Variants in PIEZO2 observed in about 807,000 individuals in gnomAD.
The protein encoded by PIEZO2 is piezo type mechanosensitive ion channel component 2, also known as piezo-type mechanosensitive ion channel component 2.
In PIEZO2, 172 loss-of-function variants were observed where a neutral mutation model predicts 337.3. The observed-to-expected ratio is 0.51, with a 90% CI of 0.45 to 0.58. The LOEUF is 0.58. PIEZO2 is among the 20% of genes least tolerant of loss of function. The pLI is 0.00. For synonymous variants in PIEZO2, 1,251 were observed against 1,228.5 expected (o/e 1.02, Z -0.38); for missense variants, 3,028 against 3,391.3 (o/e 0.89, Z 2.66).
At chr18:10,961,891 G>C (rs898289376) in intron 3 of PIEZO2, among the ~76,000 whole-genome samples, 10 of 152,014 alleles carry the variant, frequency 6.6e-5, no homozygotes, top group Non-Finnish European at 1.5e-4. Context: ...CAAAGAAATA[G>C]ACACAAGGAC....
Position 10,855,363 on chromosome 18 carries a change from A to G in PIEZO2, c.907T>C (p.Tyr303His), listed in dbSNP as rs1313591312. The change falls in exon 7 of 56, where the codon TAC becomes CAC. Residue 303 changes from tyrosine to histidine, a missense_variant. This residue lies in a region of PIEZO2 where 542 missense variants were observed against 605.6 expected (regional missense o/e 0.89). Transcript: ENST00000674853. This position sits in a 1 kb window ranked among gnomAD's most constrained non-coding sequence, Gnocchi z 4.9. ...AAGGATTTCTCTTACCTTGCATAGT[A>G]GTCATTGGGTGGAACTGCCTCTTGA... ...FFQEAVPPNDYYARLFGIKSV... is the reference protein window; with the variant it reads ...FFQEAVPPNDHYARLFGIKSV... 1 of 1,533,046 alleles carries G rather than the reference A, an allele frequency of 6.5e-7. No homozygotes were observed. Among genetic ancestry groups the G allele is most frequent in the African/African-American group, 1.4e-5 (1 of 73,092 alleles). The allele number at this position is 1,533,046 out of a possible 1,614,324, so 95.0% of individuals were successfully genotyped here.
Position 11,033,668 on chromosome 18 carries a change from A to G in PIEZO2, c.160+32459T>C, listed in dbSNP as rs986066545. 3.3e-5 allele frequency among the ~76,000 whole-genome samples: 5 copies of G among 152,216 alleles called. No individual in the cohort carries two copies. The highest frequency in any genetic ancestry group is 9.7e-5 in the African/African-American group (4 of 41,446). On this transcript the variant is annotated intron_variant, in intron 2 of 55. Coordinates refer to ENST00000674853, the MANE Select transcript of PIEZO2 (RefSeq NM_001378183.1). This position sits in a 1 kb window ranked among gnomAD's most constrained non-coding sequence, Gnocchi z 4.2. ...ATAACGAGTCAGACATATATAGCAC[A>G]TGCCAGAAATGAAGCACTTTCTGTC...
At position 10,952,258 on chromosome 18, in the gene PIEZO2, A is replaced by G. The variant is rs969437146; in HGVS notation, c.286+27277T>C. ...TATTAGATTATAAGTTACACAGAGTAAAATTTTTGCATGTATAATTTCTCA... is the reference window on the plus strand; with the variant it reads ...TATTAGATTATAAGTTACACAGAGTGAAATTTTTGCATGTATAATTTCTCA... On this transcript the variant is annotated intron_variant, in intron 3 of 55. Transcript: ENST00000674853. The surrounding 1 kb of genome is among the most constrained non-coding windows in gnomAD (Gnocchi z 4.1). Among the ~76,000 whole-genome samples the G allele has an allele frequency of 6.6e-6, 1 of 152,222 alleles. No individual in the cohort carries two copies. Among genetic ancestry groups the G allele is most frequent in the African/African-American group, 2.4e-5 (1 of 41,452 alleles).
Position 10,903,286 on chromosome 18 carries a change from T to C in PIEZO2, c.329+7900A>G, listed in dbSNP as rs1243697650. Among the ~76,000 whole-genome samples the C allele has an allele frequency of 6.6e-6, 1 of 152,164 alleles. No individual in the cohort carries two copies. The highest frequency in any genetic ancestry group is 6.5e-5 in the Admixed American group (1 of 15,278). ...CTGAACTCCTGGCTCATCTGGTCTATATTGCTGCTCGAGTGACATTTCTAG... is the reference window on the plus strand; with the variant it reads ...CTGAACTCCTGGCTCATCTGGTCTACATTGCTGCTCGAGTGACATTTCTAG... On this transcript the variant is annotated intron_variant, in intron 4 of 55. Transcript: ENST00000674853. This position sits in a 1 kb window ranked among gnomAD's most constrained non-coding sequence, Gnocchi z 4.1.
chr18:10,677,552 G>C lies in PIEZO2; in HGVS notation c.8081+195C>G. On this transcript the variant is annotated intron_variant, in intron 53 of 55. Transcript: ENST00000674853. The surrounding 1 kb of genome is among the most constrained non-coding windows in gnomAD (Gnocchi z 4.1). ...ATTTGGAACATAGACATAACCCTGG[G>C]GACAGTGGACAGAAAACTCCATAGC... The C allele has an allele frequency of 1.8e-6, 1 of 557,170 alleles. No homozygotes were observed. The highest frequency in any genetic ancestry group is 2.1e-5 in the South Asian group (1 of 46,558). 34.5% of individuals were successfully genotyped at this position (557,170 alleles called of 1,614,324 possible). A position where few individuals can be genotyped will look rare whatever the true frequency, so the allele number is the denominator to read the frequency against.
chr18:10,953,403 G>C lies in PIEZO2; in HGVS notation c.286+26132C>G, dbSNP rs1277033005. 1.3e-5 allele frequency among the ~76,000 whole-genome samples: 2 copies of C among 151,958 alleles called. No homozygotes were observed. The highest frequency in any genetic ancestry group is 4.8e-5 in the African/African-American group (2 of 41,368). On this transcript the variant is annotated intron_variant, in intron 3 of 55. Transcript: ENST00000674853. This position sits in a 1 kb window ranked among gnomAD's most constrained non-coding sequence, Gnocchi z 5.2. The stretch of plus-strand genomic sequence containing the variant: ...ATCTTTGCATTTAGGTTTATGATTT[G>C]TTTTGAGTTAATTAATTTTTGTATA...
In PIEZO2 at chr18:10,787,018, C is replaced by G. The variant is rs73943110; in HGVS notation, c.2318+18G>C. On this transcript the variant is annotated intron_variant, in intron 16 of 55. Transcript: ENST00000674853. The stretch of plus-strand genomic sequence containing the variant: ...AAGTCTTCATCTTGTTCATCATTTT[C>G]AACTCAAAATCACTTACTTTTCTTT... 1.0e-3 allele frequency: 1,527 copies of G among 1,522,680 alleles called. 11 individuals carry two copies. The African/African-American group carries it at 0.015, about 15-fold the overall frequency. The allele number at this position is 1,522,680 out of a possible 1,614,324, so 94.3% of individuals were successfully genotyped here. A position where few individuals can be genotyped will look rare whatever the true frequency, so the allele number is the denominator to read the frequency against.
In PIEZO2 at chr18:11,002,536, C is replaced by A. The variant is rs547688384; in HGVS notation, c.161-22876G>T. On this transcript the variant is annotated intron_variant, in intron 2 of 55. Coordinates refer to ENST00000674853, the MANE Select transcript of PIEZO2 (RefSeq NM_001378183.1). The surrounding 1 kb of genome is among the most constrained non-coding windows in gnomAD (Gnocchi z 4.3). Reference sequence around the variant, plus strand: ...CTGTGTGCATTCACAGGGCTCAGCTCCCTGGAGAAGACCCCACACACACTT... The same window carrying A: ...CTGTGTGCATTCACAGGGCTCAGCTACCTGGAGAAGACCCCACACACACTT... Among the ~76,000 whole-genome samples the A allele has an allele frequency of 1.1e-3, 165 of 152,308 alleles. No individual in the cohort carries two copies. The highest frequency in any genetic ancestry group is 3.8e-3 in the African/African-American group (158 of 41,564).
rs140269230 is a variant in PIEZO2 at position 10,677,147 on chromosome 18, G to A, written c.8081+600C>T. 8.9e-3 allele frequency among the ~76,000 whole-genome samples: 1,356 copies of A among 152,312 alleles called. 22 individuals carry two copies. Among genetic ancestry groups the A allele is most frequent in the African/African-American group, 0.031 (1,278 of 41,560 alleles). On this transcript the variant is annotated intron_variant, in intron 53 of 55. Coordinates refer to ENST00000674853, the MANE Select transcript of PIEZO2 (RefSeq NM_001378183.1). The surrounding 1 kb of genome is among the most constrained non-coding windows in gnomAD (Gnocchi z 4.1). Reference sequence around the variant, plus strand: ...TCTCAATGGAAGCCCCAGCGGGCCAGCACTTTCCATGCACTGATGAGCTCC... The same window carrying A: ...TCTCAATGGAAGCCCCAGCGGGCCAACACTTTCCATGCACTGATGAGCTCC...
chr18:10,733,147 T>G (rs980071225), intron 35 of PIEZO2, among the ~76,000 whole-genome samples: 1 of 151,928 alleles, frequency 6.6e-6, no homozygotes, highest in African/African-American at 2.4e-5. Context: ...CATTAACATT[T>G]TGGTTTATAA....
In PIEZO2 at chr18:10,759,716, G is replaced by A. The variant is rs2038042618; in HGVS notation, c.3644C>T (p.Ala1215Val). The change falls in exon 25 of 56, where the codon GCT (alanine) becomes GTT (valine). Residue 1215 changes from alanine to valine, a missense_variant. By Grantham distance (64) the Ala-to-Val change is moderately conservative. This residue lies in a region of PIEZO2 where 1,925 missense variants were observed against 2,051.9 expected (regional missense o/e 0.94). Transcript: ENST00000674853. The surrounding 1 kb of genome is among the most constrained non-coding windows in gnomAD (Gnocchi z 5.5). ...AAGGGCAGGCTCACCTCGGCAAGGA[G>A]CAGGTGGGATGCCAATGCAGATGAA... ...QYFICIGIPP[A>V]PCRDYPWRFK... 6.5e-7 allele frequency: 1 copy of A among 1,537,330 alleles called. No individual in the cohort carries two copies. Among genetic ancestry groups the A allele is most frequent in the Non-Finnish European group, 8.7e-7 (1 of 1,146,928 alleles).
rs1405700619 is a variant in PIEZO2, at chr18:10,716,705, A to C, written c.5090-889T>G. 1.3e-5 allele frequency among the ~76,000 whole-genome samples: 2 copies of C among 152,158 alleles called. No homozygotes were observed. The highest frequency in any genetic ancestry group is 4.8e-5 in the African/African-American group (2 of 41,438). ...TCAAGCAAGGTATGTATTTCTCACA[A>C]TCATTCAGATAGAGCCTCTAGCTGC... On this transcript the variant is annotated intron_variant, in intron 37 of 55. Transcript: ENST00000674853. This position sits in a 1 kb window ranked among gnomAD's most constrained non-coding sequence, Gnocchi z 4.1.
intron 3 of PIEZO2, among the ~76,000 whole-genome samples, chr18:10,927,531 T>TG (rs1436192970): frequency 6.6e-6 from 1 of 152,160 alleles, no homozygotes; most frequent in Admixed American, 6.5e-5. Flanking sequence ...AACATTACAT[T>TG]TACACAAAAG....
chr18:10,707,186 A>T lies in PIEZO2; in HGVS notation c.5588+1089T>A, dbSNP rs578253380. On this transcript the variant is annotated intron_variant, in intron 40 of 55. Transcript: ENST00000674853. This position sits in a 1 kb window ranked among gnomAD's most constrained non-coding sequence, Gnocchi z 4.2. Reference sequence around the variant, plus strand: ...ACTTCCTAGGAGGGCCATGCCATTGACCCATTGCCCAGGGAACTTGCAGAC... The same window carrying T: ...ACTTCCTAGGAGGGCCATGCCATTGTCCCATTGCCCAGGGAACTTGCAGAC... Among the ~76,000 whole-genome samples the T allele has an allele frequency of 6.6e-6, 1 of 152,248 alleles. No homozygotes were observed. The highest frequency in any genetic ancestry group is 2.1e-4 in the South Asian group (1 of 4,822).
chr18:10,885,190 C>T lies in PIEZO2; in HGVS notation c.330-13775G>A, dbSNP rs578061962. The stretch of plus-strand genomic sequence containing the variant: ...CTGTAATCCCAGCACTTTGGGAGGC[C>T]GAGGCGGGCGGATCATGAGCTCAGG... On this transcript the variant is annotated intron_variant, in intron 4 of 55. Transcript: ENST00000674853. 1.5e-4 allele frequency among the ~76,000 whole-genome samples: 23 copies of T among 152,066 alleles called. No homozygotes were observed. The East Asian group carries it at 3.3e-3, about 22-fold the overall frequency.
chr18:10,936,724 A>T (rs2032423819), intron 3 of PIEZO2, among the ~76,000 whole-genome samples: 1 of 152,254 alleles, frequency 6.6e-6, no homozygotes, highest in African/African-American at 2.4e-5. Context: ...AACATAGCCC[A>T]GTGGAATATA....
rs561912426 is a variant in PIEZO2 at position 10,718,214 on chromosome 18, T to C, written c.5075A>G (p.Lys1692Arg). The change falls in exon 37 of 56, where the codon AAA (lysine) becomes AGA (arginine). Residue 1692 changes from lysine (K) to arginine (R), a missense_variant. Around this residue, in one of 5 missense-constraint regions of PIEZO2, gnomAD observed 1,925 missense variants for 2,051.9 expected, o/e 0.94. Coordinates refer to ENST00000674853, the MANE Select transcript of PIEZO2 (RefSeq NM_001378183.1). The part of the protein sequence containing the change: ...EDREDEPIKK[K>R]SDGPDNIIKR... ...TATTTTGTTACCTGGTCCATCGGAT[T>C]TCTTTTTGATTGGTTCATCCTCCCG... 8.5e-6 allele frequency: 13 copies of C among 1,536,870 alleles called. No homozygotes were observed. In the South Asian group the frequency reaches 1.3e-4, roughly 15 times the overall value.
At chr18:10,967,023 T>G (rs1401821841) in intron 3 of PIEZO2, among the ~76,000 whole-genome samples, 1 of 147,134 alleles carries the variant, frequency 6.8e-6, no homozygotes, top group Non-Finnish European at 1.5e-5. Context: ...TTTTTGTTTT[T>G]TTTTTTTTTT....
At chr18:10,927,082 C>T (rs2031787297) in intron 3 of PIEZO2, among the ~76,000 whole-genome samples, 1 of 152,160 alleles carries the variant, frequency 6.6e-6, no homozygotes, top group South Asian at 2.1e-4. Flanking sequence ...GGGTCACACG[C>T]GGGAGGAGGG....
Sources: gnomAD v4.1 joint callset for allele counts (sites outside exome capture counted in the v4.1 genomes callset) on GRCh38, gnomAD v4.1.1 for gene constraint, gnomAD v4.1.1 regional missense constraint, Gnocchi (gnomAD v3.1) non-coding constraint, MANE v1.5 for transcripts, NCBI Gene and HGNC (gene_info 2026-07-23, HGNC 2026-07-21) for gene names.